PCED1B: variants seen among roughly 807,000 people sequenced by gnomAD.
The protein encoded by PCED1B is PC-esterase domain-containing protein 1B.
For missense variants in PCED1B, 573 were observed against 573.9 expected, an observed-to-expected ratio of 1.00 and a Z score of 0.02; for synonymous variants, 251 against 246.1, an observed-to-expected ratio of 1.02 and a Z score of -0.19.
At chr12:47,204,347 A>G (rs1239069485) in intron 2 of PCED1B, among the ~76,000 whole-genome samples, 5 of 152,084 alleles carry the variant, frequency 3.3e-5, no homozygotes, top group East Asian at 3.9e-4. Context: ...TTTGGGCAGT[A>G]TGGTCATTTT....
chr12:47,105,877 A>T (rs190481108), intron 2 of PCED1B, among the ~76,000 whole-genome samples: 13 of 152,370 alleles, frequency 8.5e-5, no homozygotes, highest in African/African-American at 2.9e-4. Context: ...ACGTATTATG[A>T]CAAACACGAT....
At chr12:47,142,706 C>A (rs1335482736) in intron 2 of PCED1B, among the ~76,000 whole-genome samples, 1 of 151,968 alleles carries the variant, frequency 6.6e-6, no homozygotes, top group Non-Finnish European at 1.5e-5. Flanking sequence ...CAACAACAGA[C>A]TTGATCGCGC....
At chr12:47,175,313 T>C (rs977786361) in intron 2 of PCED1B, among the ~76,000 whole-genome samples, 1 of 152,208 alleles carries the variant, frequency 6.6e-6, no homozygotes, top group Non-Finnish European at 1.5e-5. Flanking sequence ...AAAGTATTTA[T>C]TCACTTTTGG....
At chr12:47,186,317 C>A (rs1025836789) in intron 2 of PCED1B, among the ~76,000 whole-genome samples, 4 of 150,664 alleles carry the variant, frequency 2.7e-5, no homozygotes, top group African/African-American at 9.8e-5. Context: ...TGACTTTGAG[C>A]TTCTAGGGGC....
intron 2 of PCED1B, among the ~76,000 whole-genome samples, chr12:47,132,926 G>C (rs924936297): frequency 6.6e-6 from 1 of 152,116 alleles, no homozygotes; most frequent in African/African-American, 2.4e-5. Context: ...CATTCAAGGG[G>C]GGAAATGGTG....
intron 2 of PCED1B, chr12:47,138,488 C>G (rs956086404): frequency 2.0e-5 from 3 of 152,222 alleles, no homozygotes; most frequent in African/African-American, 7.2e-5. Context: ...CTACTTTTGA[C>G]TTCCTAACTT....
intron 2 of PCED1B, among the ~76,000 whole-genome samples, chr12:47,146,472 C>A: frequency 6.6e-6 from 1 of 152,154 alleles, no homozygotes; most frequent in African/African-American, 2.4e-5. Flanking sequence ...AGAAAAAAAT[C>A]TTTCATGAAA....
intron 2 of PCED1B, among the ~76,000 whole-genome samples, chr12:47,169,963 A>G (rs1941671674): frequency 6.9e-6 from 1 of 144,208 alleles, no homozygotes; most frequent in Non-Finnish European, 1.5e-5. Flanking sequence ...TGGCAAGGTC[A>G]TAGGACAATA....
chr12:47,179,974 C>T (rs1448056203), intron 2 of PCED1B, among the ~76,000 whole-genome samples: 2 of 152,044 alleles, frequency 1.3e-5, no homozygotes, highest in Non-Finnish European at 2.9e-5. Flanking sequence ...GGTACATGTG[C>T]AGGATGTGCA....
At chr12:47,185,935 C>T (rs1942245110) in intron 2 of PCED1B, among the ~76,000 whole-genome samples, 1 of 151,666 alleles carries the variant, frequency 6.6e-6, no homozygotes, top group Non-Finnish European at 1.5e-5. Context: ...AGAACTTGAA[C>T]TTAGTCTGGT....
At chr12:47,188,985 C>T (rs1434922603) in intron 2 of PCED1B, among the ~76,000 whole-genome samples, 2 of 152,144 alleles carry the variant, frequency 1.3e-5, no homozygotes, top group Non-Finnish European at 2.9e-5. Context: ...TGAACTTTCT[C>T]TCCATGTTTA....
intron 2 of PCED1B, among the ~76,000 whole-genome samples, chr12:47,167,883 C>G (rs991599828): frequency 6.6e-6 from 1 of 152,148 alleles, no homozygotes; most frequent in African/African-American, 2.4e-5. Context: ...GCCAACATTG[C>G]TCTCCTAAGG....
At chr12:47,220,372 A>C (rs1021361790) in intron 3 of PCED1B, among the ~76,000 whole-genome samples, 3 of 152,082 alleles carry the variant, frequency 2.0e-5, no homozygotes, top group African/African-American at 7.2e-5. Flanking sequence ...GGGTTTCACC[A>C]TGTTGATCAG....
At chr12:47,187,772 G>C (rs1442507955) in intron 2 of PCED1B, 1 of 154,058 alleles carries the variant, frequency 6.5e-6, no homozygotes, top group Admixed American at 6.5e-5. Context: ...TTCATCATAA[G>C]GCAGCCAAGT....
intron 2 of PCED1B, among the ~76,000 whole-genome samples, chr12:47,142,827 T>C (rs377113132): frequency 6.6e-6 from 1 of 151,868 alleles, no homozygotes; most frequent in African/African-American, 2.4e-5. Flanking sequence ...AAAGAAGCCA[T>C]GCGATACTAT....
At chr12:47,091,229 A>G (rs1938252187) in intron 1 of PCED1B, among the ~76,000 whole-genome samples, 1 of 151,668 alleles carries the variant, frequency 6.6e-6, no homozygotes, top group Admixed American at 6.6e-5. Flanking sequence ...CATCTTAGCC[A>G]TTTTCGTGGA....
intron 2 of PCED1B, among the ~76,000 whole-genome samples, chr12:47,153,890 A>G (rs1467759474): frequency 6.6e-6 from 1 of 152,206 alleles, no homozygotes; most frequent in African/African-American, 2.4e-5. Flanking sequence ...GCTCCAGGCT[A>G]GAGCTGGACC....
intron 2 of PCED1B, among the ~76,000 whole-genome samples, chr12:47,193,515 A>G (rs1011836223): frequency 2.6e-5 from 4 of 152,172 alleles, no homozygotes; most frequent in South Asian, 2.1e-4. Flanking sequence ...CTGGATTACA[A>G]TAGTTAGGGT....
intron 2 of PCED1B, among the ~76,000 whole-genome samples, chr12:47,188,984 T>C (rs1462147281): frequency 2.0e-5 from 3 of 152,178 alleles, no homozygotes; most frequent in Non-Finnish European, 4.4e-5. Flanking sequence ...GTGAACTTTC[T>C]CTCCATGTTT....
Sources: gnomAD v4.1 joint callset for allele counts (sites outside exome capture counted in the v4.1 genomes callset) on GRCh38, gnomAD v4.1.1 for gene constraint, MANE v1.5 for transcripts, NCBI Gene and HGNC (gene_info 2026-07-23, HGNC 2026-07-21) for gene names.